The following ECT2 variants were observed in gnomAD, a reference collection of about 807,000 sequenced individuals.
ECT2 encodes epithelial cell transforming 2.
A neutral mutation model predicts 116.9 loss-of-function variants in ECT2; 61 were observed. The ratio of observed to expected loss-of-function variants is 0.52; its 90% CI spans 0.42 to 0.65. ECT2 has a LOEUF of 0.65. ECT2 is among the 30% of genes least tolerant of loss of function. The probability of loss-of-function intolerance (pLI) is 0.00; values close to 1 mark genes in which losing one functional copy is unlikely to be tolerated. For missense variants in ECT2, 937 were observed against 1,078.7 expected (o/e 0.87, Z 1.84); for synonymous variants, 358 against 346.4 (o/e 1.03, Z -0.37).
chr3:172,819,565 C>A (rs1056385256), intron 24 of ECT2, among the ~76,000 whole-genome samples: 1 of 151,954 alleles, frequency 6.6e-6, no homozygotes, highest in Non-Finnish European at 1.5e-5. Context: ...AGTCTGGTCT[C>A]GAACTCTTGG....
chr3:172,792,203 A>G (rs540668571), intron 18 of ECT2, among the ~76,000 whole-genome samples: 24 of 152,368 alleles, frequency 1.6e-4, no homozygotes, highest in African/African-American at 5.5e-4. Context: ...AATAATAATG[A>G]GAAAGTTTGA....
At chr3:172,789,441 C>T (rs1000662070) in intron 18 of ECT2, among the ~76,000 whole-genome samples, 10 of 152,072 alleles carry the variant, frequency 6.6e-5, no homozygotes, top group African/African-American at 1.9e-4. Context: ...TGAACTCAAG[C>T]GATCTGCTCA....
intron 12 of ECT2, among the ~76,000 whole-genome samples, chr3:172,766,731 C>T (rs1306742332): frequency 1.4e-4 from 22 of 152,172 alleles, no homozygotes; most frequent in Non-Finnish European, 1.8e-4. Context: ...ATCCAAGTTA[C>T]ATTAAGGCAG....
chr3:172,759,587 G>A (rs531947517), intron 6 of ECT2, among the ~76,000 whole-genome samples: 6 of 152,116 alleles, frequency 3.9e-5, no homozygotes, highest in South Asian at 2.1e-4. Flanking sequence ...GACTACAGGC[G>A]CCCGCCACCA....
chr3:172,782,487 G>GTTAT (rs1416449503), intron 15 of ECT2, among the ~76,000 whole-genome samples: 1 of 152,042 alleles, frequency 6.6e-6, no homozygotes, highest in Non-Finnish European at 1.5e-5. Context: ...TATGTATCAA[G>GTTAT]TTATTTGCCT....
intron 6 of ECT2, 65 bp from the exon 7 acceptor site, chr3:172,760,090 TA>T: frequency 2.0e-6 from 2 of 1,002,904 alleles, no homozygotes; most frequent in Non-Finnish European, 3.0e-6. Context: ...AAATGTGGGG[TA>T]AACATAGTTT....
At chr3:172,793,445 G>A (rs1022272821) in intron 18 of ECT2, among the ~76,000 whole-genome samples, 3 of 144,706 alleles carry the variant, frequency 2.1e-5, no homozygotes, top group Non-Finnish European at 3.0e-5. Context: ...GAGCCCCCGC[G>A]CCCAGCCTAT....
At chr3:172,758,102 T>G (rs1447758950) in intron 5 of ECT2, among the ~76,000 whole-genome samples, 1 of 152,042 alleles carries the variant, frequency 6.6e-6, no homozygotes, top group Non-Finnish European at 1.5e-5. Context: ...TCACGTTATC[T>G]TCCTGCCTCT....
chr3:172,792,465 T>A (rs946360657), intron 18 of ECT2, among the ~76,000 whole-genome samples: 4 of 150,886 alleles, frequency 2.7e-5, no homozygotes, highest in African/African-American at 9.8e-5. Flanking sequence ...TTTTTTTTTT[T>A]ATACTCAGCA....
chr3:172,788,044 A>G (rs1407705780), intron 18 of ECT2, among the ~76,000 whole-genome samples: 1 of 152,190 alleles, frequency 6.6e-6, no homozygotes, highest in Non-Finnish European at 1.5e-5. Flanking sequence ...TGCCTTTCTC[A>G]TAGATTTTCA....
intron 22 of ECT2, among the ~76,000 whole-genome samples, chr3:172,812,895 C>T (rs1389443473): frequency 6.6e-6 from 1 of 152,026 alleles, no homozygotes; most frequent in Non-Finnish European, 1.5e-5. Context: ...AGTAAGGATA[C>T]AACTGAGCTT....
chr3:172,812,093 C>T (rs960794321), intron 22 of ECT2, among the ~76,000 whole-genome samples: 5 of 151,452 alleles, frequency 3.3e-5, no homozygotes, highest in Admixed American at 2.0e-4. Flanking sequence ...AAGTGATTCT[C>T]GTGCCTCAGC....
chr3:172,801,447 C>A (rs912012250), intron 18 of ECT2, among the ~76,000 whole-genome samples: 20 of 152,180 alleles, frequency 1.3e-4, no homozygotes. Context: ...TGTTCCATGC[C>A]ATATGAGCAC....
Position 172,821,350 on chromosome 3 carries a change from A to G in ECT2, c.*1113A>G, listed in dbSNP as rs534723123. ...AAGTTTCTGTTTTAATAGTTAACTG[A>G]CTATAGATTGTTTTCTATGCCATGT... On this transcript the variant is annotated 3_prime_UTR_variant, in exon 25 of 25. Transcript: ENST00000392692. The G allele has an allele frequency of 2.2e-4, 33 of 152,022 alleles. No homozygotes were observed. The highest frequency in any genetic ancestry group is 7.7e-4 in the African/African-American group (32 of 41,568). 9.4% of individuals were successfully genotyped at this position (152,022 alleles called of 1,614,324 possible). A position where few individuals can be genotyped will look rare whatever the true frequency, so the allele number is the denominator to read the frequency against.
At chr3:172,764,570 A>G in intron 12 of ECT2, 70 bp downstream of exon 12, 1 of 1,370,444 alleles carries the variant, frequency 7.3e-7, no homozygotes, top group South Asian at 1.2e-5. Context: ...ATTTAGATAA[A>G]TCCCTGATAT....
At chr3:172,789,095 T>C (rs77574074) in intron 18 of ECT2, among the ~76,000 whole-genome samples, 9,229 of 150,766 alleles carry the variant, frequency 0.061, 958 homozygotes, top group African/African-American at 0.21. Flanking sequence ...TATCTGAGCC[T>C]TCAGTAAGTT....
intron 5 of ECT2, among the ~76,000 whole-genome samples, chr3:172,757,904 TAATA>T (rs1348443304): frequency 6.6e-6 from 1 of 152,052 alleles, no homozygotes; most frequent in Non-Finnish European, 1.5e-5. Flanking sequence ...TTTATTTATT[TAATA>T]AATAAATACA....
chr3:172,821,545 T>C (rs1577064015), downstream of ECT2: 3 of 152,070 alleles, frequency 2.0e-5, no homozygotes, highest in East Asian at 3.9e-4. Context: ...CATCAACATA[T>C]GCTCTTTTGT....
At chr3:172,754,156 TATG>T (rs530912732) in intron 1 of ECT2, among the ~76,000 whole-genome samples, 8 of 152,082 alleles carry the variant, frequency 5.3e-5, no homozygotes, top group African/African-American at 1.2e-4. Context: ...GGAGGTGTGT[TATG>T]GTGGTGTTAT....
Sources: allele counts gnomAD v4.1 joint callset (sites outside exome capture counted in the v4.1 genomes callset), GRCh38; gene constraint gnomAD v4.1.1; transcripts MANE v1.5; gene names NCBI Gene and HGNC (gene_info 2026-07-23, HGNC 2026-07-21).